Variants in BLOC1S5 observed in about 807,000 individuals in gnomAD.
BLOC1S5 encodes the protein biogenesis of lysosomal organelles complex 1 subunit 5, also known as biogenesis of lysosome-related organelles complex 1 subunit 5.
A neutral mutation model predicts 24.3 loss-of-function variants in BLOC1S5; 27 were observed. That is an observed-to-expected ratio of 1.11 (90% CI 0.82 to 1.53). The LOEUF (loss-of-function observed/expected upper bound fraction) is 1.53, where lower values mean the gene tolerates loss of function less well. Ranked by LOEUF, BLOC1S5 falls within the 40% of genes most tolerant of loss-of-function variation. BLOC1S5 has a pLI of 0.00. For synonymous variants in BLOC1S5, 84 were observed against 74.5 expected (o/e 1.13, Z -0.66); for missense variants, 239 against 229.4 (o/e 1.04, Z -0.27).
At chr6:8,054,181 G>T in intron 2 of BLOC1S5, 4 of 398,518 alleles carry the variant, frequency 1.0e-5, no homozygotes, top group East Asian at 1.6e-4. Flanking sequence ...CCTCCTTTTT[G>T]GGATCCAATT....
At chr6:8,053,742 GA>G (rs1299181010) in intron 2 of BLOC1S5, among the ~76,000 whole-genome samples, 2 of 152,106 alleles carry the variant, frequency 1.3e-5, no homozygotes, top group Non-Finnish European at 2.9e-5. Flanking sequence ...TTCTTAAACA[GA>G]AACGTGATAT....
intron 3 of BLOC1S5, among the ~76,000 whole-genome samples, chr6:8,032,207 A>G (rs749077301): frequency 3.9e-5 from 6 of 152,214 alleles, no homozygotes; most frequent in Non-Finnish European, 2.9e-5. Flanking sequence ...ATCTTCGCAA[A>G]CTATGCATCC....
At chr6:8,051,488 C>T (rs968455643) in intron 2 of BLOC1S5, among the ~76,000 whole-genome samples, 3 of 152,186 alleles carry the variant, frequency 2.0e-5, no homozygotes, top group Non-Finnish European at 2.9e-5. Flanking sequence ...CAAATGCTAA[C>T]GTAGACTGCA....
intron 2 of BLOC1S5, among the ~76,000 whole-genome samples, chr6:8,045,464 G>A (rs767879565): frequency 4.6e-5 from 7 of 152,110 alleles, no homozygotes; most frequent in African/African-American, 7.2e-5. Flanking sequence ...ACTGCCTAGC[G>A]GAGTTGTGGG....
At chr6:8,043,328 C>T (rs1247627921) in intron 2 of BLOC1S5, among the ~76,000 whole-genome samples, 1 of 152,122 alleles carries the variant, frequency 6.6e-6, no homozygotes, top group Non-Finnish European at 1.5e-5. Context: ...TGCAATAATA[C>T]CTCAACCAAG....
intron 2 of BLOC1S5, chr6:8,054,213 C>T: frequency 4.6e-6 from 2 of 435,210 alleles, no homozygotes; most frequent in Non-Finnish European, 9.1e-6. Context: ...CCTTTTACTT[C>T]CAGTTAATAT....
At chr6:8,045,324 T>C (rs1561866013) in intron 2 of BLOC1S5, among the ~76,000 whole-genome samples, 1 of 152,054 alleles carries the variant, frequency 6.6e-6, no homozygotes, top group Non-Finnish European at 1.5e-5. Flanking sequence ...TTTCAGAAGA[T>C]GTAAGGAAAT....
At chr6:8,044,109 C>A (rs9392953) in intron 2 of BLOC1S5, among the ~76,000 whole-genome samples, 1 of 151,704 alleles carries the variant, frequency 6.6e-6, no homozygotes, top group South Asian at 2.1e-4. Context: ...CGGTGAAACC[C>A]CATCTCTACT....
chr6:8,042,358 T>C (rs1014687047), intron 2 of BLOC1S5, among the ~76,000 whole-genome samples: 1 of 152,234 alleles, frequency 6.6e-6, no homozygotes, highest in Non-Finnish European at 1.5e-5. Context: ...CTTCCCTATA[T>C]AGAAAAGAAC....
At chr6:8,022,008 C>A (rs1762930985) in intron 4 of BLOC1S5, among the ~76,000 whole-genome samples, 3 of 151,994 alleles carry the variant, frequency 2.0e-5, no homozygotes, top group South Asian at 4.2e-4. Context: ...CTGCTCTCCA[C>A]CAATTAAAGA....
At chr6:8,021,918 T>C (rs1448507437) in intron 4 of BLOC1S5, among the ~76,000 whole-genome samples, 1 of 152,206 alleles carries the variant, frequency 6.6e-6, no homozygotes. Context: ...GTGTTATCTC[T>C]TTCTACTTAG....
At chr6:8,062,498 G>T in intron 2 of BLOC1S5, 36 bp downstream of exon 2, 2 of 1,298,806 alleles carry the variant, frequency 1.5e-6, no homozygotes, top group East Asian at 2.4e-5. Flanking sequence ...CTAACAATTA[G>T]GGAAGTACTT....
chr6:8,026,375 G>A lies in BLOC1S5; in HGVS notation c.376C>T (p.Arg126Ter), dbSNP rs185017439. 122 of 1,608,206 alleles carry A rather than the reference G, an allele frequency of 7.6e-5. 1 individual carries two copies. Among genetic ancestry groups the A allele is most frequent in the Admixed American group, 7.2e-4 (43 of 59,620 alleles). ...VCRLQQREQE[R>*]KKIHSDHLVA... is the part of the protein sequence containing the mutation. ...TCTAAATGATCTTTTACCTTTTTTC[G>A]TTCCTGTTCCCTCTGTTGGAGTCTA... The change falls in exon 4 of 5, where the codon CGA becomes TGA. Residue 126 changes from arginine (R) to a stop codon, truncating the protein, a stop_gained. Transcript: ENST00000397457. LOFTEE classifies it high-confidence loss of function.
chr6:8,023,936 A>C (rs1473938874), intron 4 of BLOC1S5, among the ~76,000 whole-genome samples: 1 of 152,226 alleles, frequency 6.6e-6, no homozygotes, highest in Non-Finnish European at 1.5e-5. Context: ...CAGAAAAAGA[A>C]AAAGAAAAAA....
chr6:8,049,232 G>T (rs867792482), intron 2 of BLOC1S5, among the ~76,000 whole-genome samples: 1 of 151,664 alleles, frequency 6.6e-6, no homozygotes, highest in Middle Eastern at 3.2e-3. Context: ...TTAGCCGGGC[G>T]TGGTGGCAGG....
chr6:8,062,998 A>C (rs1161729872), intron 1 of BLOC1S5, among the ~76,000 whole-genome samples: 4 of 152,200 alleles, frequency 2.6e-5, no homozygotes, highest in Non-Finnish European at 4.4e-5. Flanking sequence ...CCAAGTAAAA[A>C]TAAATACATC....
Position 8,015,618 on chromosome 6 carries a change from C to T in BLOC1S5, c.*31G>A, listed in dbSNP as rs770846809. The T allele has an allele frequency of 4.6e-5, 74 of 1,594,230 alleles. No homozygotes were observed. In the African/African-American group the frequency reaches 8.9e-4, roughly 19 times the overall value. On this transcript the variant is annotated 3_prime_UTR_variant, in exon 5 of 5. Transcript: ENST00000397457. The stretch of plus-strand genomic sequence containing the variant: ...TTCAGGAGAGAGGTGAACATCTTCT[C>T]ATTAGTTTGTGATTGTTGTGGTTCA...
intron 2 of BLOC1S5, among the ~76,000 whole-genome samples, chr6:8,061,055 T>G (rs184412696): frequency 1.2e-4 from 18 of 152,286 alleles, no homozygotes; most frequent in Non-Finnish European, 2.2e-4. Flanking sequence ...CTCAAACTCC[T>G]GACCTCAAGT....
intron 2 of BLOC1S5, chr6:8,041,779 TGGGAATACA>T (rs1763701072): frequency 6.6e-6 from 1 of 151,648 alleles, no homozygotes; most frequent in Non-Finnish European, 1.5e-5. Flanking sequence ...GCCGAGTAGC[TGGGAATACA>T]GGCGCCCGCC....
Sources: allele counts gnomAD v4.1 joint callset (sites outside exome capture counted in the v4.1 genomes callset), GRCh38; gene constraint gnomAD v4.1.1; transcripts MANE v1.5; gene names NCBI Gene and HGNC (gene_info 2026-07-23, HGNC 2026-07-21).